The following SIL1 variants were observed in gnomAD, a reference collection of about 807,000 sequenced individuals.
The protein encoded by SIL1 is nucleotide exchange factor SIL1.
A neutral mutation model predicts 49.1 loss-of-function variants in SIL1; 40 were observed. The ratio of observed to expected loss-of-function variants is 0.81; its 90% confidence interval spans 0.63 to 1.06. The LOEUF is 1.06. Ranked by LOEUF, SIL1 falls within the 50% of genes least tolerant of loss-of-function variation. The pLI, the probability that SIL1 is intolerant of heterozygous loss-of-function variation, is 0.00. For missense variants in SIL1, 500 were observed against 572.6 expected (o/e 0.87, Z 1.29); for synonymous variants, 253 against 250.8 (o/e 1.01, Z -0.08).
At position 138,949,765 on chromosome 5, in the gene SIL1, C is replaced by T. The variant is rs562029883; in HGVS notation, c.1029+1406G>A. 4.5e-5 allele frequency among the ~76,000 whole-genome samples: 6 copies of T among 134,118 alleles called. No individual in the cohort carries two copies. In the East Asian group the frequency reaches 8.6e-4, roughly 19 times the overall value. The allele number at this position is 134,118 out of a possible 152,430, so 88.0% of individuals were successfully genotyped here. ...GGCAGAGTTTACAGTGAGCCAAGAT[C>T]GTGCCACTGGGTGACAGAGAGAGAC... On this transcript the variant is annotated intron_variant, in intron 9 of 9. Coordinates refer to ENST00000394817, the MANE Select transcript of SIL1 (RefSeq NM_022464.5).
At chr5:139,097,038 G>A (rs1159654137) in intron 3 of SIL1, among the ~76,000 whole-genome samples, 6 of 151,912 alleles carry the variant, frequency 3.9e-5, no homozygotes, top group African/African-American at 1.2e-4. Context: ...AGGGAACATC[G>A]GTGGTAGTCT....
At chr5:139,051,118 C>T in intron 3 of SIL1, 72 bp from the exon 4 acceptor site, 1 of 1,364,374 alleles carries the variant, frequency 7.3e-7, no homozygotes, top group South Asian at 1.2e-5. Flanking sequence ...GCCAGCAAGC[C>T]AACAGGACTT....
chr5:139,020,182 G>A (rs10075893), intron 7 of SIL1, among the ~76,000 whole-genome samples: 62,614 of 151,958 alleles, frequency 0.41, 13,574 homozygotes, highest in African/African-American at 0.56. Context: ...TGGTGATAAC[G>A]GAAACAAAGG....
At chr5:139,104,137 GCCAAGCA>G (rs907056108) in intron 3 of SIL1, among the ~76,000 whole-genome samples, 1 of 152,232 alleles carries the variant, frequency 6.6e-6, no homozygotes, top group Admixed American at 6.5e-5. Context: ...TGCTGCAGGA[GCCAAGCA>G]GCTCAGGACC....
chr5:139,161,661 A>AC (rs1751516326), intron 1 of SIL1, among the ~76,000 whole-genome samples: 1 of 152,098 alleles, frequency 6.6e-6, no homozygotes, highest in African/African-American at 2.4e-5. Flanking sequence ...TTCAAAAGTG[A>AC]CCAGAGTCCC....
At chr5:138,961,144 T>C (rs1338600407) in intron 7 of SIL1, among the ~76,000 whole-genome samples, 1 of 152,220 alleles carries the variant, frequency 6.6e-6, no homozygotes, top group Non-Finnish European at 1.5e-5. Flanking sequence ...AAAAATACTC[T>C]TAAGTCACAT....
intron 3 of SIL1, among the ~76,000 whole-genome samples, chr5:139,071,955 G>A (rs745970386): frequency 1.1e-4 from 17 of 151,980 alleles, no homozygotes; most frequent in Non-Finnish European, 1.9e-4. Context: ...ATGAGCCACC[G>A]CTCCTGGCAA....
intron 7 of SIL1, among the ~76,000 whole-genome samples, chr5:138,964,632 G>A (rs577855095): frequency 2.6e-4 from 39 of 152,258 alleles, no homozygotes; most frequent in South Asian, 1.9e-3. Context: ...AGTTACACTC[G>A]TAAAATAGTT....
At chr5:139,137,756 CACCT>C (rs1751004131) in intron 1 of SIL1, among the ~76,000 whole-genome samples, 1 of 150,082 alleles carries the variant, frequency 6.7e-6, no homozygotes, top group Middle Eastern at 3.4e-3. Flanking sequence ...GTTCAATTCC[CACCT>C]CTGAATGGGT....
At chr5:139,072,188 G>A (rs74608137) in intron 3 of SIL1, among the ~76,000 whole-genome samples, 14,896 of 152,070 alleles carry the variant, frequency 0.098, 1,701 homozygotes, top group African/African-American at 0.28. Flanking sequence ...GTCCATTTGG[G>A]CTTCTTTAAA....
At chr5:138,951,717 CAGGA>C in intron 8 of SIL1, 67 bp downstream of exon 8, 1 of 1,413,424 alleles carries the variant, frequency 7.1e-7, no homozygotes, top group Non-Finnish European at 1.0e-6. Context: ...ACAGCCTGGA[CAGGA>C]ACCCTTTCCT....
chr5:139,078,558 G>A (rs1049977047), intron 3 of SIL1, among the ~76,000 whole-genome samples: 1 of 152,142 alleles, frequency 6.6e-6, no homozygotes, highest in Admixed American at 6.5e-5. Context: ...AGAAGGCAAG[G>A]CAACTTGCAC....
At chr5:139,102,380 C>G (rs1770605854) in intron 3 of SIL1, among the ~76,000 whole-genome samples, 1 of 151,844 alleles carries the variant, frequency 6.6e-6, no homozygotes, top group Non-Finnish European at 1.5e-5. Context: ...TACATCTGCA[C>G]AGTGGGATTT....
intron 3 of SIL1, among the ~76,000 whole-genome samples, chr5:139,077,763 C>A (rs555892355): frequency 6.6e-6 from 1 of 152,194 alleles, no homozygotes; most frequent in South Asian, 2.1e-4. Flanking sequence ...CTTGATAACC[C>A]CAACACACCC....
At chr5:138,971,560 C>T (rs1275257772) in intron 7 of SIL1, among the ~76,000 whole-genome samples, 2 of 152,134 alleles carry the variant, frequency 1.3e-5, no homozygotes, top group African/African-American at 2.4e-5. Flanking sequence ...AGAGCACAGA[C>T]CATAAAGATT....
rs865842292 is a variant in SIL1, at chr5:139,116,327, C to T, written c.244+4708G>A. ...ATTTTTTTCTTTTTCTTTTTTTTCC[C>T]CCTCACATGAACGTGTTCCTGCACA... On this transcript the variant is annotated intron_variant, in intron 3 of 9. Coordinates refer to ENST00000394817, the MANE Select transcript of SIL1 (RefSeq NM_022464.5). Among the ~76,000 whole-genome samples the T allele has an allele frequency of 1.2e-3, 177 of 152,004 alleles. 1 individual carries two copies. Among genetic ancestry groups the T allele is most frequent in the African/African-American group, 4.1e-3 (168 of 41,466 alleles).
At chr5:139,049,302 A>T (rs968104454) in intron 4 of SIL1, among the ~76,000 whole-genome samples, 1 of 152,164 alleles carries the variant, frequency 6.6e-6, no homozygotes, top group African/African-American at 2.4e-5. Context: ...CCTTCTGAGT[A>T]TCTGGGATTA....
rs371494585 is a variant in SIL1 at position 138,947,087 on chromosome 5, G to A, written c.*30C>T. ...GCTGGCACCCCTCAGCCTCACTAGC[G>A]GCATCCCAGTCCAGTCCTGGTGTGG... On this transcript the variant is annotated 3_prime_UTR_variant, in exon 10 of 10. Coordinates refer to ENST00000394817, the MANE Select transcript of SIL1 (RefSeq NM_022464.5). This position sits in a 1 kb window ranked among gnomAD's most constrained non-coding sequence, Gnocchi z 4.1. 83 of 1,568,446 alleles carry A rather than the reference G, an allele frequency of 5.3e-5. No individual in the cohort carries two copies. In the African/African-American group the frequency reaches 6.5e-4, roughly 12 times the overall value.
chr5:138,979,568 A>C (rs1312050184), intron 7 of SIL1, among the ~76,000 whole-genome samples: 2 of 152,116 alleles, frequency 1.3e-5, no homozygotes, highest in Non-Finnish European at 2.9e-5. Flanking sequence ...CAGTGGCGTG[A>C]TCTCGACTTA....
Sources: allele counts gnomAD v4.1 joint callset (sites outside exome capture counted in the v4.1 genomes callset), GRCh38; gene constraint gnomAD v4.1.1; non-coding constraint Gnocchi (gnomAD v3.1); transcripts MANE v1.5; gene names NCBI Gene and HGNC (gene_info 2026-07-23, HGNC 2026-07-21).